MBD5: variants seen among roughly 807,000 people sequenced by gnomAD.
MBD5 encodes the protein methyl-CpG binding domain protein 5.
Under a neutral mutation model 117.3 loss-of-function variants are expected in MBD5, and 13 were observed. That is an observed-to-expected ratio of 0.11 (90% CI 0.07 to 0.18). The LOEUF (loss-of-function observed/expected upper bound fraction) is 0.18, where lower values mean the gene tolerates loss of function less well. Among genes scored for constraint, MBD5 ranks in the 10% least tolerant of loss-of-function variants. The probability of loss-of-function intolerance (pLI) is 1.00; values close to 1 mark genes in which losing one functional copy is unlikely to be tolerated. For missense variants in MBD5, 1,879 were observed against 2,093.8 expected (o/e 0.90, Z 2.00); for synonymous variants, 727 against 766.4 (o/e 0.95, Z 0.85).
At chr2:148,154,746 C>T (rs569906724) in intron 1 of MBD5, among the ~76,000 whole-genome samples, 2 of 152,316 alleles carry the variant, frequency 1.3e-5, no homozygotes, top group African/African-American at 2.4e-5. Context: ...ACTCCCTGAC[C>T]CCTTGCGCTT....
chr2:148,159,798 C>T (rs114941314), intron 1 of MBD5, among the ~76,000 whole-genome samples: 1,994 of 152,186 alleles, frequency 0.013, 29 homozygotes, highest in African/African-American at 0.046. Context: ...CTCAACAACT[C>T]TAGTAAATAT....
intron 1 of MBD5, among the ~76,000 whole-genome samples, chr2:148,147,848 G>T (rs1697507969): frequency 6.6e-6 from 1 of 152,078 alleles, no homozygotes; most frequent in Non-Finnish European, 1.5e-5. Context: ...CTTAGCCTTA[G>T]CCTTCACTTT....
At chr2:148,226,472 A>G (rs898636796) in intron 2 of MBD5, among the ~76,000 whole-genome samples, 1 of 152,160 alleles carries the variant, frequency 6.6e-6, no homozygotes, top group Admixed American at 6.5e-5. Context: ...ATAGTATTCC[A>G]TGGTGTATAT....
chr2:148,254,231 A>G (rs1051006371), intron 3 of MBD5, among the ~76,000 whole-genome samples: 1 of 152,208 alleles, frequency 6.6e-6, no homozygotes, highest in African/African-American at 2.4e-5. Flanking sequence ...CAGGGCTGCT[A>G]TTATGTTCTG....
intron 3 of MBD5, among the ~76,000 whole-genome samples, chr2:148,327,915 C>T (rs1702506650): frequency 6.6e-6 from 1 of 152,158 alleles, no homozygotes; most frequent in Non-Finnish European, 1.5e-5. Flanking sequence ...AGGAGAGGCG[C>T]TCTGCTTTTT....
At chr2:148,398,289 A>G (rs186612325) in intron 4 of MBD5, among the ~76,000 whole-genome samples, 24 of 152,042 alleles carry the variant, frequency 1.6e-4, no homozygotes, top group Middle Eastern at 3.4e-3. Flanking sequence ...AAGTGTTCCT[A>G]TTTTTCCACA....
At chr2:148,274,725 GT>G (rs34560513) in intron 3 of MBD5, among the ~76,000 whole-genome samples, 17,204 of 143,828 alleles carry the variant, frequency 0.12, 1,185 homozygotes, top group Non-Finnish European at 0.17. Context: ...GAGTTTTTTT[GT>G]TTTTTTTTTT....
intron 2 of MBD5, among the ~76,000 whole-genome samples, chr2:148,217,396 C>CA (rs1699584026): frequency 1.3e-5 from 2 of 152,134 alleles, no homozygotes; most frequent in African/African-American, 4.8e-5. Flanking sequence ...TGAGGCAGGA[C>CA]AGCACAGGGT....
chr2:148,236,199 T>A (rs567981296), intron 3 of MBD5, among the ~76,000 whole-genome samples: 61 of 152,224 alleles, frequency 4.0e-4, no homozygotes, highest in Middle Eastern at 3.4e-3. Context: ...TGGCGATATA[T>A]TGAAATAAGA....
rs548935176 is a variant in MBD5, at chr2:148,174,868, CAT to C, written c.-924-3831_-924-3830del. Among the ~76,000 whole-genome samples the C allele has an allele frequency of 1.4e-3, 217 of 151,860 alleles. 1 individual carries two copies. The highest frequency in any genetic ancestry group is 3.4e-3 in the Middle Eastern group (1 of 292). ...TGTACACTGTTGGTGGAAATGTACA[CAT>C]GTGGAAAACTGTGTGAAGGTTCCTC... On this transcript the variant is annotated intron_variant, in intron 1 of 13. Transcript: ENST00000642680.
At chr2:148,318,967 C>T (rs1035843675) in intron 3 of MBD5, among the ~76,000 whole-genome samples, 3 of 152,152 alleles carry the variant, frequency 2.0e-5, no homozygotes, top group African/African-American at 7.2e-5. Context: ...CTGCTAGTCT[C>T]GGCCTCCCAA....
chr2:148,394,624 C>T (rs111800539), intron 4 of MBD5, among the ~76,000 whole-genome samples: 1 of 146,456 alleles, frequency 6.8e-6, no homozygotes, highest in Non-Finnish European at 1.5e-5. Context: ...TTAGTCTCAA[C>T]AAAAGTATGC....
intron 1 of MBD5, among the ~76,000 whole-genome samples, chr2:148,045,606 C>T (rs1012805215): frequency 1.3e-5 from 2 of 152,062 alleles, no homozygotes; most frequent in Admixed American, 6.6e-5. Flanking sequence ...GTAACTTGCT[C>T]GAGGTTATAC....
intron 11 of MBD5, among the ~76,000 whole-genome samples, chr2:148,491,251 G>A (rs557798145): frequency 6.7e-6 from 1 of 149,834 alleles, no homozygotes; most frequent in Non-Finnish European, 1.5e-5. Context: ...GCTTCTCCAT[G>A]AAACTACCGT....
Position 148,484,135 on chromosome 2 carries a change from G to A in MBD5, c.3544G>A (p.Gly1182Ser). ...LNPLLGTGLLGDMSSINNTLS... is the reference protein window; with the variant it reads ...LNPLLGTGLLSDMSSINNTLS... The stretch of plus-strand genomic sequence containing the variant: ...CCCTCTACTGGGGACAGGTCTACTT[G>A]GTAAGTTAAATTTTTTCACAAATTT... Residue 1182 changes from glycine to serine, a missense_variant and splice_region_variant, in exon 9 of 14, where the codon GGT becomes AGT. Gly to Ser is a moderately conservative substitution (Grantham distance 56, BLOSUM62 0). Transcript: ENST00000642680. 2.1e-6 allele frequency: 3 copies of A among 1,405,098 alleles called. No individual in the cohort carries two copies. The highest frequency in any genetic ancestry group is 3.3e-5 in the Admixed American group (1 of 30,472). The allele number at this position is 1,405,098 out of a possible 1,614,324, so 87.0% of individuals were successfully genotyped here.
chr2:148,276,849 T>G (rs1701125717), intron 3 of MBD5, among the ~76,000 whole-genome samples: 1 of 152,168 alleles, frequency 6.6e-6, no homozygotes, highest in Admixed American at 6.5e-5. Flanking sequence ...CTTTTCTTTA[T>G]TGCCTTTAAA....
chr2:148,382,360 A>G (rs368772722), intron 4 of MBD5, among the ~76,000 whole-genome samples: 1 of 152,110 alleles, frequency 6.6e-6, no homozygotes, highest in Admixed American at 6.5e-5. Flanking sequence ...GACAAAGAAG[A>G]CCATTACATA....
At chr2:148,257,885 A>G (rs918878645) in intron 3 of MBD5, among the ~76,000 whole-genome samples, 10 of 152,312 alleles carry the variant, frequency 6.6e-5, no homozygotes, top group African/African-American at 2.4e-4. Context: ...ATCATCAAAC[A>G]GTCCATCAAA....
intron 11 of MBD5, among the ~76,000 whole-genome samples, chr2:148,496,136 G>C (rs769549783): frequency 6.6e-6 from 1 of 152,206 alleles, no homozygotes; most frequent in South Asian, 2.1e-4. Flanking sequence ...TGTTGGAAAT[G>C]AATCCTTTTC....
Sources: gnomAD v4.1 joint callset for allele counts (sites outside exome capture counted in the v4.1 genomes callset) on GRCh38, gnomAD v4.1.1 for gene constraint, MANE v1.5 for transcripts, NCBI Gene and HGNC (gene_info 2026-07-23, HGNC 2026-07-21) for gene names.